The following RAD51B variants were observed in gnomAD, a reference collection of about 807,000 sequenced individuals.
RAD51B encodes the protein RAD51 paralog B.
RAD51B carries 38 observed loss-of-function variants against 42.2 expected under a neutral mutation model. That is an observed-to-expected ratio of 0.90 (90% CI 0.70 to 1.18). RAD51B has a LOEUF of 1.18. RAD51B is among the 50% of genes most tolerant of loss of function. The pLI is 0.00. For synonymous variants in RAD51B, 154 were observed against 145.2 expected, an observed-to-expected ratio of 1.06 and a Z score of -0.43; for missense variants, 373 against 400.7, an observed-to-expected ratio of 0.93 and a Z score of 0.59.
chr14:68,135,839 A>G (rs1381042089), intron 7 of RAD51B, among the ~76,000 whole-genome samples: 1 of 152,208 alleles, frequency 6.6e-6, no homozygotes, highest in East Asian at 1.9e-4. Flanking sequence ...AGAAATTTTC[A>G]GTAGAGCCTT....
intron 8 of RAD51B, among the ~76,000 whole-genome samples, chr14:68,302,465 A>G (rs12889206): frequency 0.83 from 126,924 of 152,096 alleles, 53,200 homozygotes; most frequent in East Asian, 0.99. Context: ...AGTGCACCTG[A>G]CAGAGGGAAA....
intron 10 of RAD51B, among the ~76,000 whole-genome samples, chr14:68,471,537 C>T (rs2086124903): frequency 6.6e-6 from 1 of 152,060 alleles, no homozygotes. Context: ...CCCTTCCCTC[C>T]CCTTTGTTCA....
chr14:67,884,423 A>G (rs1437663469), intron 5 of RAD51B, among the ~76,000 whole-genome samples: 3 of 152,156 alleles, frequency 2.0e-5, no homozygotes, highest in East Asian at 1.9e-4. Flanking sequence ...AAAAATTTCC[A>G]TGTTTCTAGA....
At chr14:68,681,766 C>A (rs987997162) in intron 11 of RAD51B, among the ~76,000 whole-genome samples, 1 of 152,308 alleles carries the variant, frequency 6.6e-6, no homozygotes, top group African/African-American at 2.4e-5. Context: ...TTCTCAGCCT[C>A]TCTCCTCTGT....
intron 7 of RAD51B, among the ~76,000 whole-genome samples, chr14:68,069,331 G>A (rs2076703896): frequency 6.6e-6 from 1 of 152,094 alleles, no homozygotes; most frequent in Non-Finnish European, 1.5e-5. Flanking sequence ...TGTTACATGG[G>A]TAAATTGTGT....
At chr14:68,400,225 T>A (rs2084059681) in intron 8 of RAD51B, among the ~76,000 whole-genome samples, 1 of 152,170 alleles carries the variant, frequency 6.6e-6, no homozygotes, top group Non-Finnish European at 1.5e-5. Context: ...CCACCTGGCT[T>A]TCTCCTTGTC....
chr14:68,451,642 C>T (rs1444313653), intron 9 of RAD51B, among the ~76,000 whole-genome samples: 1 of 152,144 alleles, frequency 6.6e-6, no homozygotes. Flanking sequence ...TGGAGGAGGA[C>T]TTTAGGGAAA....
intron 9 of RAD51B, among the ~76,000 whole-genome samples, chr14:68,425,987 C>G (rs8005718): frequency 2.2e-5 from 1 of 45,438 alleles, no homozygotes; most frequent in South Asian, 8.8e-4. Flanking sequence ...TTCCTTCCTT[C>G]CTTCCTTCCT....
At chr14:68,062,976 C>T (rs1025833382) in intron 7 of RAD51B, among the ~76,000 whole-genome samples, 1 of 151,984 alleles carries the variant, frequency 6.6e-6, no homozygotes, top group Non-Finnish European at 1.5e-5. Flanking sequence ...CTTGGTAGAT[C>T]GTATGTGCCC....
intron 7 of RAD51B, among the ~76,000 whole-genome samples, chr14:68,142,964 G>A (rs2078159979): frequency 6.6e-6 from 1 of 151,022 alleles, no homozygotes; most frequent in African/African-American, 2.4e-5. Flanking sequence ...TCCAGCCTGG[G>A]CGACAGAGCA....
At chr14:68,204,348 G>C (rs2079545474) in intron 7 of RAD51B, among the ~76,000 whole-genome samples, 1 of 152,148 alleles carries the variant, frequency 6.6e-6, no homozygotes, top group African/African-American at 2.4e-5. Context: ...GGAGCAGTCA[G>C]AATACACATA....
chr14:68,024,270 G>A (rs925943506), intron 7 of RAD51B, among the ~76,000 whole-genome samples: 4 of 152,100 alleles, frequency 2.6e-5, no homozygotes, highest in Admixed American at 2.0e-4. Flanking sequence ...GTCAATTAGT[G>A]TAATGCTTCC....
intron 7 of RAD51B, among the ~76,000 whole-genome samples, chr14:67,961,044 G>A (rs1403911979): frequency 6.6e-6 from 1 of 152,078 alleles, no homozygotes; most frequent in Non-Finnish European, 1.5e-5. Context: ...GCCTCATTCT[G>A]TTGTTCAGGC....
chr14:68,447,478 C>G lies in RAD51B; in HGVS notation c.958-20694C>G, dbSNP rs2085447419. On this transcript the variant is annotated intron_variant, in intron 9 of 10. Transcript: ENST00000471583. ...TGGCCTTTTTATTATTCACCTCCACCACAGTAGAGAGAAAAAAAAAAAGCA... is the reference window on the plus strand; with the variant it reads ...TGGCCTTTTTATTATTCACCTCCACGACAGTAGAGAGAAAAAAAAAAAGCA... 4.8e-5 allele frequency among the ~76,000 whole-genome samples: 3 copies of G among 62,104 alleles called. No individual in the cohort carries two copies. The South Asian group carries it at 2.2e-3, about 46-fold the overall frequency. 40.7% of individuals were successfully genotyped at this position (62,104 alleles called of 152,430 possible).
chr14:68,505,932 A>G (rs1360954834), intron 10 of RAD51B, among the ~76,000 whole-genome samples: 1 of 152,138 alleles, frequency 6.6e-6, no homozygotes, highest in Admixed American at 6.5e-5. Context: ...TAGAACATTC[A>G]CTGCTGCTGA....
intron 7 of RAD51B, among the ~76,000 whole-genome samples, chr14:68,273,267 A>C (rs2081156813): frequency 6.6e-6 from 1 of 152,160 alleles, no homozygotes; most frequent in African/African-American, 2.4e-5. Flanking sequence ...ATCCAGAGTC[A>C]GGAAGTCTCC....
intron 7 of RAD51B, among the ~76,000 whole-genome samples, chr14:67,914,052 G>A (rs987863688): frequency 2.0e-5 from 3 of 151,280 alleles, no homozygotes; most frequent in Admixed American, 6.6e-5. Context: ...GCATGATCTC[G>A]GCTCACTGCA....
In RAD51B at chr14:68,087,885, TATATA is replaced by T. The variant is rs1176486188; in HGVS notation, c.756+200687_756+200691del. Among the ~76,000 whole-genome samples, 100 of 81,556 alleles carry T rather than the reference TATATA, an allele frequency of 1.2e-3. 2 individuals are homozygous for T. The highest frequency in any genetic ancestry group is 2.7e-3 in the African/African-American group (41 of 15,120). 53.5% of individuals were successfully genotyped at this position (81,556 alleles called of 152,430 possible). On this transcript the variant is annotated intron_variant, in intron 7 of 10. Coordinates refer to ENST00000471583, the MANE Select transcript of RAD51B (RefSeq NM_133510.4). ...TTATATAATATATTATTTATATAAT[TATATA>T]ATATATTATTTATATAATTATATAA...
chr14:68,577,656 G>A (rs917069739), intron 10 of RAD51B, among the ~76,000 whole-genome samples: 4 of 151,924 alleles, frequency 2.6e-5, no homozygotes, highest in Admixed American at 6.6e-5. Context: ...CGCCTACCAC[G>A]GCCTCCCAGC....
Sources: allele counts gnomAD v4.1 joint callset (sites outside exome capture counted in the v4.1 genomes callset), GRCh38; gene constraint gnomAD v4.1.1; transcripts MANE v1.5; gene names NCBI Gene and HGNC (gene_info 2026-07-23, HGNC 2026-07-21).